The following MYO1D variants were observed in gnomAD, a reference collection of about 807,000 sequenced individuals.
The protein encoded by MYO1D is unconventional myosin-Id.
A neutral mutation model predicts 122.0 loss-of-function variants in MYO1D; 83 were observed. That is an observed-to-expected ratio of 0.68 (90% confidence interval 0.57 to 0.82). The LOEUF (loss-of-function observed/expected upper bound fraction) is 0.82. MYO1D is among the 40% of genes least tolerant of loss of function. MYO1D has a pLI of 0.00. For synonymous variants in MYO1D, 464 were observed against 446.9 expected, an observed-to-expected ratio of 1.04 and a Z score of -0.48; for missense variants, 1,157 against 1,269.5, an observed-to-expected ratio of 0.91 and a Z score of 1.35.
intron 1 of MYO1D, among the ~76,000 whole-genome samples, chr17:32,866,754 G>T (rs1329946670): frequency 6.6e-6 from 1 of 152,208 alleles, no homozygotes; most frequent in Non-Finnish European, 1.5e-5. Flanking sequence ...ATGGAAGCTG[G>T]CTAGCAGCAC....
intron 3 of MYO1D, among the ~76,000 whole-genome samples, chr17:32,776,710 A>G (rs1385815218): frequency 2.6e-5 from 4 of 152,214 alleles, no homozygotes; most frequent in African/African-American, 7.2e-5. Flanking sequence ...AATCTTCACT[A>G]GTTCAGAAAT....
chr17:32,653,296 T>G (rs551782538), intron 19 of MYO1D, among the ~76,000 whole-genome samples: 16 of 147,470 alleles, frequency 1.1e-4, no homozygotes, highest in African/African-American at 3.8e-4. Flanking sequence ...AGTTTTTTTG[T>G]TTTTTTTTTC....
chr17:32,859,943 C>G (rs1015949720), intron 1 of MYO1D, among the ~76,000 whole-genome samples: 2 of 152,200 alleles, frequency 1.3e-5, no homozygotes, highest in Non-Finnish European at 2.9e-5. Context: ...CTATCATCAG[C>G]GCCTGACTAT....
intron 1 of MYO1D, among the ~76,000 whole-genome samples, chr17:32,869,375 C>A (rs978761271): frequency 1.3e-5 from 2 of 152,196 alleles, no homozygotes; most frequent in Admixed American, 1.3e-4. Flanking sequence ...TACCCTCTGA[C>A]CCCATTATGA....
chr17:32,844,437 A>ATATATGTGTATATGTAT (rs1411219066), intron 1 of MYO1D, among the ~76,000 whole-genome samples: 5 of 147,300 alleles, frequency 3.4e-5, no homozygotes, highest in African/African-American at 1.2e-4. Flanking sequence ...TATAATATGT[A>ATATATGTGTATATGTAT]TATATATAAT....
intron 21 of MYO1D, among the ~76,000 whole-genome samples, chr17:32,540,554 C>T (rs1910807549): frequency 6.6e-6 from 1 of 151,944 alleles, no homozygotes; most frequent in Non-Finnish European, 1.5e-5. Context: ...ATACTTTACA[C>T]CTTTAGTTAT....
chr17:32,858,966 C>T (rs945897200), intron 1 of MYO1D, among the ~76,000 whole-genome samples: 57 of 152,246 alleles, frequency 3.7e-4, no homozygotes, highest in African/African-American at 1.3e-3. Flanking sequence ...AAGATGCCCC[C>T]GGCTCACCTT....
At chr17:32,779,632 G>A (rs1007288498) in intron 2 of MYO1D, among the ~76,000 whole-genome samples, 3 of 151,982 alleles carry the variant, frequency 2.0e-5, no homozygotes, top group Admixed American at 6.6e-5. Context: ...GCGAAGAAAC[G>A]TTTTGCTTTT....
intron 2 of MYO1D, among the ~76,000 whole-genome samples, chr17:32,779,584 G>A (rs1308253123): frequency 6.6e-6 from 1 of 151,960 alleles, no homozygotes; most frequent in Non-Finnish European, 1.5e-5. Context: ...GTTAACAGCT[G>A]TTACTGCTGG....
At chr17:32,679,814 G>C (rs1293334945) in intron 16 of MYO1D, among the ~76,000 whole-genome samples, 1 of 151,172 alleles carries the variant, frequency 6.6e-6, no homozygotes, top group Non-Finnish European at 1.5e-5. Flanking sequence ...TTGGTAGCTT[G>C]ATGGGGATGG....
chr17:32,563,356 C>T (rs755546245), intron 21 of MYO1D, among the ~76,000 whole-genome samples: 24 of 151,788 alleles, frequency 1.6e-4, no homozygotes, highest in Non-Finnish European at 3.1e-4. Context: ...ATTACAGACA[C>T]GCACCACTGT....
intron 14 of MYO1D, among the ~76,000 whole-genome samples, chr17:32,735,793 C>T (rs1447434657): frequency 1.3e-5 from 2 of 151,924 alleles, no homozygotes; most frequent in African/African-American, 2.4e-5. Flanking sequence ...TTTGATATCA[C>T]TAGTTTATCT....
intron 21 of MYO1D, among the ~76,000 whole-genome samples, chr17:32,502,415 C>A (rs1212223709): frequency 6.6e-6 from 1 of 151,954 alleles, no homozygotes; most frequent in Non-Finnish European, 1.5e-5. Context: ...GGAGTGGGGG[C>A]GTGGAGGGAC....
intron 19 of MYO1D, among the ~76,000 whole-genome samples, chr17:32,649,624 T>C (rs910401361): frequency 2.8e-5 from 4 of 142,162 alleles, no homozygotes; most frequent in Non-Finnish European, 4.5e-5. Flanking sequence ...CAGGCTGGAG[T>C]GCAGTAGTGC....
chr17:32,575,695 C>T (rs954741980), intron 21 of MYO1D, among the ~76,000 whole-genome samples: 10 of 152,194 alleles, frequency 6.6e-5, no homozygotes, highest in African/African-American at 2.4e-5. Context: ...GTTTCAATGG[C>T]TCCTGCTTCT....
intron 18 of MYO1D, 24 bp from the exon 19 acceptor site, chr17:32,653,971 A>AAAAT: frequency 6.4e-7 from 1 of 1,569,780 alleles, no homozygotes; most frequent in Non-Finnish European, 8.8e-7. Flanking sequence ...GAAACAAGAC[A>AAAAT]AAATGAGTAT....
At chr17:32,683,790 C>G (rs547771457) in intron 16 of MYO1D, among the ~76,000 whole-genome samples, 2 of 152,290 alleles carry the variant, frequency 1.3e-5, no homozygotes, top group South Asian at 4.1e-4. Context: ...AGGAGCTTCC[C>G]GGCTGCTTTG....
chr17:32,597,287 T>G (rs1010158040), intron 21 of MYO1D, among the ~76,000 whole-genome samples: 9 of 152,170 alleles, frequency 5.9e-5, no homozygotes, highest in Non-Finnish European at 1.2e-4. Flanking sequence ...CTTCTACCTC[T>G]TTCTCCCTGT....
At chr17:32,618,271 G>A (rs2087802968) in intron 20 of MYO1D, among the ~76,000 whole-genome samples, 1 of 152,176 alleles carries the variant, frequency 6.6e-6, no homozygotes, top group Non-Finnish European at 1.5e-5. Flanking sequence ...TTCAGGTCAA[G>A]GAAAATAATT....
Sources: gnomAD v4.1 joint callset for allele counts (sites outside exome capture counted in the v4.1 genomes callset) on GRCh38, gnomAD v4.1.1 for gene constraint, MANE v1.5 for transcripts, NCBI Gene and HGNC (gene_info 2026-07-23, HGNC 2026-07-21) for gene names.